LAMA5: variants seen among roughly 807,000 people sequenced by gnomAD.
LAMA5 encodes the protein laminin subunit alpha 5.
A neutral mutation model predicts 433.4 loss-of-function variants in LAMA5; 260 were observed. That is an observed-to-expected ratio of 0.60 (90% CI 0.54 to 0.66). The LOEUF is 0.66. Ranked by LOEUF, LAMA5 falls within the 30% of genes least tolerant of loss-of-function variation. LAMA5 has a pLI of 0.00. For synonymous variants in LAMA5, 2,620 were observed against 2,226.6 expected (o/e 1.18, Z -4.97); for missense variants, 5,378 against 5,258.5 (o/e 1.02, Z -0.70).
Position 62,318,851 on chromosome 20 carries a change from G to T in LAMA5, c.7034C>A (p.Ala2345Glu), listed in dbSNP as rs1189597991. 2 of 1,610,080 alleles carry T rather than the reference G, an allele frequency of 1.2e-6. No individual in the cohort carries two copies. The highest frequency in any genetic ancestry group is 1.7e-6 in the Non-Finnish European group (2 of 1,179,292). The change falls in exon 52 of 80, where the codon GCA (alanine) becomes GAA (glutamate). Residue 2345 changes from alanine to glutamate, a missense_variant. Ala to Glu is a moderately radical substitution (Grantham distance 107). Coordinates refer to ENST00000252999, the MANE Select transcript of LAMA5 (RefSeq NM_005560.6). ...GGGACAACACCACTCACATCTCTGT[G>T]CTGCAGCCAACTCAGCCTCAGCTGC... ...QAAAEAELAA[A>E]QRLLARVQEQ...
intron 23 of LAMA5, 95 bp from the exon 24 acceptor site, chr20:62,333,801 C>CGTGG: frequency 7.5e-7 from 1 of 1,330,068 alleles, no homozygotes; most frequent in Non-Finnish European, 9.9e-7. Flanking sequence ...GGTCCTACCA[C>CGTGG]CCACATGAGC....
intron 16 of LAMA5, 131 bp from the exon 17 acceptor site, chr20:62,336,917 G>A (rs1478268290): frequency 2.3e-6 from 2 of 882,746 alleles, no homozygotes; most frequent in East Asian, 2.6e-5. Flanking sequence ...TCATCCACAT[G>A]GACGGCCTGA....
chr20:62,346,451 C>T (rs947642721), intron 9 of LAMA5, 55 bp downstream of exon 9: 1 of 1,511,770 alleles, frequency 6.6e-7, no homozygotes, highest in African/African-American at 1.4e-5. Flanking sequence ...CCAAGAACAC[C>T]TCTTTCCAGG....
chr20:62,316,927 C>A lies in LAMA5; in HGVS notation c.7608G>T (p.Glu2536Asp). ...GCTGCAGGGCCTGGCCAGCAGCATC[C>A]TCGGCAGCCTGCACGGCCTGCAGGA... ...SRILQAVQAAEDAAGQALQQA... is the reference protein window; with the variant it reads ...SRILQAVQAADDAAGQALQQA... The change falls in exon 56 of 80, where the codon GAG becomes GAT. Residue 2536 changes from glutamate to aspartate, a missense_variant. Transcript: ENST00000252999. 6.4e-7 allele frequency: 1 copy of A among 1,554,434 alleles called. No homozygotes were observed. Among genetic ancestry groups the A allele is most frequent in the South Asian group, 1.2e-5 (1 of 85,050 alleles).
chr20:62,311,523 G>C lies in LAMA5; in HGVS notation c.9820C>G (p.Gln3274Glu). 6.2e-7 allele frequency: 1 copy of C among 1,610,066 alleles called. No homozygotes were observed. The highest frequency in any genetic ancestry group is 8.5e-7 in the Non-Finnish European group (1 of 1,178,158). Residue 3274 changes from glutamine (Q) to glutamate (E), a missense_variant, in exon 72 of 80, where the codon CAG (glutamine) becomes GAG (glutamate). Transcript: ENST00000252999. ...NVFVQRLLGP[Q>E]RVFDLQQNLG... ...TTCTGCTGCAGATCAAATACGCGCT[G>C]TGGGCCCAGGAGCCTGTGCAGGGCG... is the stretch of plus-strand genomic sequence containing the variant.
In LAMA5 at chr20:62,339,490, C is replaced by A. The variant is rs144349208; in HGVS notation, c.1478-882G>T. On this transcript the variant is annotated intron_variant, in intron 11 of 79. Coordinates refer to ENST00000252999, the MANE Select transcript of LAMA5 (RefSeq NM_005560.6). ...TGACCACGTGATCCGCCTGCCTCGG[C>A]CTCCCAAAGTGCTGGGATTAAAATT... Among the ~76,000 whole-genome samples, 225 of 152,162 alleles carry A rather than the reference C, an allele frequency of 1.5e-3. 1 individual carries two copies. The highest frequency in any genetic ancestry group is 5.3e-3 in the African/African-American group (218 of 41,522).
In LAMA5 at chr20:62,367,225, C is replaced by G; in HGVS notation, c.21G>C (p.Ala7=). 8.4e-7 allele frequency: 1 copy of G among 1,193,872 alleles called. No homozygotes were observed. Among genetic ancestry groups the G allele is most frequent in the Non-Finnish European group, 1.0e-6 (1 of 965,338 alleles). The allele number at this position is 1,193,872 out of a possible 1,614,324, so 74.0% of individuals were successfully genotyped here. A position where few individuals can be genotyped will look rare whatever the true frequency, so the allele number is the denominator to read the frequency against. Residue 7 remains alanine, a synonymous_variant, in exon 1 of 80, where the codon GCG becomes GCC. Transcript: ENST00000252999. MAKRLC[A]GSALCVRGPR... ...GGCCGCGAACACACAGTGCGCTCCC[C>G]GCGCAGAGCCGCTTCGCCATCTTCC...
intron 55 of LAMA5, 83 bp downstream of exon 55, chr20:62,317,262 C>T: frequency 7.2e-7 from 1 of 1,397,332 alleles, no homozygotes; most frequent in Non-Finnish European, 9.4e-7. Context: ...CCCCTAGGAG[C>T]CTTCCCAGAC....
At position 62,337,705 on chromosome 20, in the gene LAMA5, G is replaced by C. The variant is rs75464861; in HGVS notation, c.2049C>G (p.Gly683=). 7,232 of 1,610,734 alleles carry C rather than the reference G, an allele frequency of 4.5e-3. 22 individuals are homozygous for C. Among genetic ancestry groups the C allele is most frequent in the Non-Finnish European group, 5.1e-3 (6,065 of 1,178,678 alleles). The stretch of plus-strand genomic sequence containing the variant: ...GGGGGTCACAGGCTGCGTGCAGGGA[G>C]CCTTCAGCAGAGCAGTGGCAGGCTG... ...SCVPCHCSAE[G]SLHAACDPRS... Residue 683 remains glycine, a synonymous_variant, in exon 16 of 80, where the codon GGC becomes GGG. Coordinates refer to ENST00000252999, the MANE Select transcript of LAMA5 (RefSeq NM_005560.6).
intron 54 of LAMA5, 78 bp from the exon 55 acceptor site, chr20:62,317,577 C>G (rs1987091193): frequency 6.6e-6 from 10 of 1,523,288 alleles, no homozygotes; most frequent in Non-Finnish European, 8.0e-6. Flanking sequence ...GCTCTGCACG[C>G]AAGTGTGCAC....
intron 2 of LAMA5, among the ~76,000 whole-genome samples, chr20:62,354,340 TCC>T (rs1984833372): frequency 2.0e-5 from 1 of 50,626 alleles, no homozygotes; most frequent in Non-Finnish European, 4.0e-5. Context: ...CCTCCCTCCC[TCC>T]CTCCCTCCCT....
rs367838116 is a variant in LAMA5 at position 62,309,962 on chromosome 20, T to C, written c.10828+26A>G. On this transcript the variant is annotated intron_variant, in intron 78 of 79. Coordinates refer to ENST00000252999, the MANE Select transcript of LAMA5 (RefSeq NM_005560.6). ...CTGCAGAAGGGTGGGGGTGGCAGAG[T>C]GCCCTGGCCACAGGAGGGGCCTCAC... is the stretch of plus-strand genomic sequence containing the variant. 1.6e-4 allele frequency: 257 copies of C among 1,606,354 alleles called. No individual in the cohort carries two copies. In the East Asian group the frequency reaches 1.6e-3, roughly 10 times the overall value.
chr20:62,338,278 T>C lies in LAMA5; in HGVS notation c.1710A>G (p.Thr570=), dbSNP rs767415902. Residue 570 remains threonine, a synonymous_variant, in exon 13 of 80, where the codon ACA becomes ACG. Transcript: ENST00000252999. The stretch of plus-strand genomic sequence containing the variant: ...AGTAGCCGGGGGCACAGCGATCACA[T>C]GTGGCCCCCTCGAAGCCCACTCGGC... ...CRCRVGFEGA[T]CDRCAPGYFH... The C allele has an allele frequency of 3.7e-6, 6 of 1,603,212 alleles. No homozygotes were observed. Among genetic ancestry groups the C allele is most frequent in the Non-Finnish European group, 3.4e-6 (4 of 1,175,222 alleles).
rs148440509 is a variant in LAMA5 at position 62,313,407 on chromosome 20, C to T, written c.8712G>A (p.Thr2904=). Residue 2904 remains threonine (T), a synonymous_variant, in exon 64 of 80, where the codon ACG becomes ACA. Transcript: ENST00000252999. ...AGAGGCTGACCACCTCCTCATTCAG[C>T]GTGTCCATCTCGATGCAGCCCCGGT... is the stretch of plus-strand genomic sequence containing the variant. ...PGYRGCIEMD[T]LNEEVVSLYN... 201 of 1,609,474 alleles carry T rather than the reference C, an allele frequency of 1.2e-4. No individual in the cohort carries two copies. The highest frequency in any genetic ancestry group is 1.6e-4 in the Middle Eastern group (1 of 6,076).
chr20:62,317,646 CA>C lies in LAMA5; in HGVS notation c.7356+15del. Reference sequence around the variant, plus strand: ...CCGTGGATGGGGTGGCGACAGGGGCCAGGGGCTGCACTCACCTCCTTAGCCT... The same window carrying C: ...CCGTGGATGGGGTGGCGACAGGGGCCGGGGCTGCACTCACCTCCTTAGCCT... On this transcript the variant is annotated intron_variant, in intron 54 of 79. Coordinates refer to ENST00000252999, the MANE Select transcript of LAMA5 (RefSeq NM_005560.6). 3 of 1,545,920 alleles carry C rather than the reference CA, an allele frequency of 1.9e-6. No individual in the cohort carries two copies. Among genetic ancestry groups the C allele is most frequent in the African/African-American group, 1.4e-5 (1 of 73,074 alleles).
Position 62,312,036 on chromosome 20 carries a change from C to G in LAMA5, c.9519G>C (p.Gln3173His). The change falls in exon 70 of 80, where the codon CAG becomes CAC. Residue 3173 changes from glutamine (Q) to histidine (H), a missense_variant. Gln to His is a conservative substitution (Grantham distance 24). Transcript: ENST00000252999. ...YYRASPDGLC[Q>H]VSLQQGRVSL... ...TCACACGGCCCTGCTGCAGGGACAC[C>G]TGGCATAGCCCATCCTGGGGACGGC... The G allele has an allele frequency of 6.2e-7, 1 of 1,612,186 alleles. No individual in the cohort carries two copies. The highest frequency in any genetic ancestry group is 8.5e-7 in the Non-Finnish European group (1 of 1,179,558).
intron 34 of LAMA5, 132 bp downstream of exon 34, chr20:62,328,712 G>A (rs1173551485): frequency 1.8e-5 from 17 of 940,016 alleles, no homozygotes; most frequent in Middle Eastern, 3.3e-4. Flanking sequence ...GCCCAGGCCC[G>A]CAGATGGGGC....
rs979192209 is a variant in LAMA5, at chr20:62,334,308, G to A, written c.2617C>T (p.His873Tyr). The A allele has an allele frequency of 1.9e-6, 3 of 1,610,130 alleles. No individual in the cohort carries two copies. Among genetic ancestry groups the A allele is most frequent in the East Asian group, 2.2e-5 (1 of 44,734 alleles). The change falls in exon 22 of 80, where the codon CAC becomes TAC. Residue 873 changes from histidine to tyrosine, a missense_variant. His to Tyr is a moderately conservative substitution (Grantham distance 83). Coordinates refer to ENST00000252999, the MANE Select transcript of LAMA5 (RefSeq NM_005560.6). The part of the protein sequence containing the change: ...ARDHYLPDLH[H>Y]LRLELEEAAT... ...GCCTCCTCCAGCTCCAGGCGCAGGT[G>A]GTGCAGGTCCGGGAGGTAGTGGTCC... is the stretch of plus-strand genomic sequence containing the variant.
rs1279662763 is a variant in LAMA5 at position 62,346,600 on chromosome 20, G to A, written c.1192-4C>T. 2 of 1,606,920 alleles carry A rather than the reference G, an allele frequency of 1.2e-6. No individual in the cohort carries two copies. The highest frequency in any genetic ancestry group is 1.7e-6 in the Non-Finnish European group (2 of 1,177,066). On this transcript the variant is annotated splice_region_variant and splice_polypyrimidine_tract_variant and intron_variant, in intron 8 of 79. Transcript: ENST00000252999. ...AGTTGACGCCGGTGGTGTGGTGCTG[G>A]GAGTGCAATGGCCGTTGAGTCTGGG...
Sources: gnomAD v4.1 joint callset for allele counts (sites outside exome capture counted in the v4.1 genomes callset) on GRCh38, gnomAD v4.1.1 for gene constraint, MANE v1.5 for transcripts, NCBI Gene and HGNC (gene_info 2026-07-23, HGNC 2026-07-21) for gene names.